The following PLXDC2 variants were observed in gnomAD, a reference collection of about 807,000 sequenced individuals.
PLXDC2 encodes the protein plexin domain containing 2.
In PLXDC2, 40 loss-of-function variants were observed where a neutral mutation model predicts 68.9. The observed-to-expected ratio is 0.58, with a 90% CI of 0.45 to 0.76. The LOEUF is 0.76. Among genes scored for constraint, PLXDC2 ranks in the 30% least tolerant of loss-of-function variants. The pLI is 0.00. For missense variants in PLXDC2, 644 were observed against 661.9 expected, an observed-to-expected ratio of 0.97 and a Z score of 0.30; for synonymous variants, 243 against 234.2, an observed-to-expected ratio of 1.04 and a Z score of -0.34.
chr10:20,018,406 A>G (rs1389587238), intron 2 of PLXDC2, among the ~76,000 whole-genome samples: 1 of 152,208 alleles, frequency 6.6e-6, no homozygotes, highest in African/African-American at 2.4e-5. Flanking sequence ...ATCCAGATGA[A>G]ATACTTCCTT....
At chr10:20,210,210 G>A (rs1353183052) in intron 9 of PLXDC2, among the ~76,000 whole-genome samples, 1 of 151,986 alleles carries the variant, frequency 6.6e-6, no homozygotes, top group Admixed American at 6.6e-5. Context: ...CTATGATAAA[G>A]TTTAAGTTAC....
intron 2 of PLXDC2, among the ~76,000 whole-genome samples, chr10:20,020,138 AAAAGGTGGG>A (rs1835280882): frequency 6.7e-6 from 1 of 149,346 alleles, no homozygotes; most frequent in African/African-American, 2.5e-5. Flanking sequence ...TAGCCTCCTG[AAAAGGTGGG>A]GCTACAAACA....
intron 1 of PLXDC2, among the ~76,000 whole-genome samples, chr10:19,917,873 A>G (rs1189057339): frequency 6.6e-6 from 1 of 152,210 alleles, no homozygotes; most frequent in Non-Finnish European, 1.5e-5. Flanking sequence ...GAAAACACAC[A>G]ATCATGATCA....
intron 2 of PLXDC2, among the ~76,000 whole-genome samples, chr10:20,044,195 C>T (rs1436633569): frequency 8.5e-5 from 11 of 129,912 alleles, no homozygotes; most frequent in East Asian, 2.3e-4. Flanking sequence ...CTTTCTTTCT[C>T]TCTCTCTCTC....
rs142727701 is a variant in PLXDC2 at position 20,232,138 on chromosome 10, C to G, written c.1312+13036C>G. 6.4e-3 allele frequency among the ~76,000 whole-genome samples: 976 copies of G among 152,174 alleles called. 7 individuals are homozygous for G. The highest frequency in any genetic ancestry group is 0.017 in the Middle Eastern group (5 of 294). ...ACTTGTATCCAGAAAATATAAATAA[C>G]TCCTATAAAGTAACAATAAACCAAA... is the stretch of plus-strand genomic sequence containing the variant. On this transcript the variant is annotated intron_variant, in intron 12 of 13. Transcript: ENST00000377252.
chr10:19,967,840 A>T (rs1834289134), intron 1 of PLXDC2, among the ~76,000 whole-genome samples: 1 of 152,218 alleles, frequency 6.6e-6, no homozygotes, highest in South Asian at 2.1e-4. Flanking sequence ...GAAAAATCAA[A>T]GATGCATCCT....
chr10:20,002,568 A>G (rs1409928791), intron 2 of PLXDC2, among the ~76,000 whole-genome samples: 2 of 152,126 alleles, frequency 1.3e-5, no homozygotes, highest in Non-Finnish European at 2.9e-5. Flanking sequence ...CCTGTGTAAC[A>G]GCATCTAAGT....
At chr10:19,833,477 T>C (rs1250936541) in intron 1 of PLXDC2, among the ~76,000 whole-genome samples, 2 of 152,322 alleles carry the variant, frequency 1.3e-5, no homozygotes, top group South Asian at 2.1e-4. Context: ...TGGAAAACAT[T>C]ATTCCAATAA....
intron 1 of PLXDC2, among the ~76,000 whole-genome samples, chr10:19,824,003 G>A (rs1220589602): frequency 2.0e-5 from 3 of 152,076 alleles, no homozygotes; most frequent in Non-Finnish European, 2.9e-5. Context: ...GTGTGACCCT[G>A]TCTCAAAAAG....
chr10:19,900,753 C>A (rs1838144651), intron 1 of PLXDC2, among the ~76,000 whole-genome samples: 1 of 151,582 alleles, frequency 6.6e-6, no homozygotes, highest in South Asian at 2.1e-4. Context: ...TATCTCTCAC[C>A]CCCGCCTACC....
At chr10:20,060,751 G>A (rs2131698521) in intron 3 of PLXDC2, among the ~76,000 whole-genome samples, 1 of 152,084 alleles carries the variant, frequency 6.6e-6, no homozygotes, top group East Asian at 1.9e-4. Flanking sequence ...CTAAATTTTA[G>A]AGAAAATTAT....
chr10:20,255,386 T>C (rs1273032828), intron 13 of PLXDC2, among the ~76,000 whole-genome samples: 1 of 152,172 alleles, frequency 6.6e-6, no homozygotes, highest in East Asian at 1.9e-4. Flanking sequence ...TTCTGTTACC[T>C]CTTGAAGAGA....
chr10:19,886,516 G>T lies in PLXDC2; in HGVS notation c.112+69325G>T, dbSNP rs536801861. Among the ~76,000 whole-genome samples, 3 of 152,172 alleles carry T rather than the reference G, an allele frequency of 2.0e-5. No homozygotes were observed. The East Asian group carries it at 5.8e-4, about 29-fold the overall frequency. ...AATCCAGCATATAAACAGAACCAAA[G>T]ACAAAAACCACATGATTTTTTCAAT... On this transcript the variant is annotated intron_variant, in intron 1 of 13. Transcript: ENST00000377252.
chr10:20,005,204 T>G (rs1276589905), intron 2 of PLXDC2, among the ~76,000 whole-genome samples: 1 of 152,190 alleles, frequency 6.6e-6, no homozygotes, highest in African/African-American at 2.4e-5. Context: ...ACTTGAATTA[T>G]GTAGTGATTT....
intron 1 of PLXDC2, among the ~76,000 whole-genome samples, chr10:19,869,476 G>T (rs58030846): frequency 1.6e-5 from 2 of 123,862 alleles, no homozygotes; most frequent in African/African-American, 6.0e-5. Flanking sequence ...AAAGGGGGGG[G>T]GGGGAGAGGG....
At chr10:20,164,318 A>C (rs1834344058) in intron 6 of PLXDC2, 150 bp from the exon 7 acceptor site, 1 of 656,944 alleles carries the variant, frequency 1.5e-6, no homozygotes, top group Non-Finnish European at 2.6e-6. Context: ...TTGGTTTCGT[A>C]TGTCTCTCTT....
chr10:19,885,827 G>T (rs1436386681), intron 1 of PLXDC2, among the ~76,000 whole-genome samples: 2 of 152,132 alleles, frequency 1.3e-5, no homozygotes, highest in East Asian at 3.9e-4. Flanking sequence ...GGATTGACTT[G>T]GCGATGCAGG....
chr10:20,103,654 T>A (rs922120208), intron 4 of PLXDC2, among the ~76,000 whole-genome samples: 1 of 151,022 alleles, frequency 6.6e-6, no homozygotes, highest in Non-Finnish European at 1.5e-5. Context: ...TTTTCTTTTT[T>A]TTTTTTTGAG....
intron 1 of PLXDC2, among the ~76,000 whole-genome samples, chr10:19,895,940 A>G (rs58690482): frequency 0.034 from 5,116 of 152,136 alleles, 286 homozygotes; most frequent in African/African-American, 0.12. Context: ...TTAAAAAGGA[A>G]AAGTAGGTCT....
Sources: allele counts gnomAD v4.1 joint callset (sites outside exome capture counted in the v4.1 genomes callset), GRCh38; gene constraint gnomAD v4.1.1; transcripts MANE v1.5; gene names NCBI Gene and HGNC (gene_info 2026-07-23, HGNC 2026-07-21).